CERKL: variants seen among roughly 807,000 people sequenced by gnomAD.
The protein encoded by CERKL is ceramide kinase-like protein.
Under a neutral mutation model 63.4 loss-of-function variants are expected in CERKL, and 61 were observed. That is an observed-to-expected ratio of 0.96 (90% confidence interval 0.78 to 1.19). The LOEUF (loss-of-function observed/expected upper bound fraction) is 1.19. CERKL is among the 50% of genes most tolerant of loss of function. The pLI is 0.00. For missense variants in CERKL, 675 were observed against 655.5 expected (o/e 1.03, Z -0.33); for synonymous variants, 250 against 230.5 (o/e 1.08, Z -0.77).
Position 181,550,941 on chromosome 2 carries a change from C to G in CERKL, c.821-1233G>C, listed in dbSNP as rs1184007280. Reference sequence around the variant, plus strand: ...CCAAAAGGCAAGTTATGCTGTGACCCTTGTTACTCAAAATACGGCCTACTG... The same window carrying G: ...CCAAAAGGCAAGTTATGCTGTGACCGTTGTTACTCAAAATACGGCCTACTG... On this transcript the variant is annotated intron_variant, in intron 5 of 12. Transcript: ENST00000410087. This position sits in a 1 kb window ranked among gnomAD's most constrained non-coding sequence, Gnocchi z 4.5. 6.6e-6 allele frequency among the ~76,000 whole-genome samples: 1 copy of G among 152,086 alleles called. No individual in the cohort carries two copies. The highest frequency in any genetic ancestry group is 1.9e-4 in the East Asian group (1 of 5,198).
intron 1 of CERKL, among the ~76,000 whole-genome samples, chr2:181,643,119 T>C (rs1024488072): frequency 6.6e-6 from 1 of 152,206 alleles, no homozygotes; most frequent in Non-Finnish European, 1.5e-5. Flanking sequence ...GTGGGCCCCA[T>C]TGACCATCAA....
chr2:181,635,684 CATTT>C (rs1687149617), intron 1 of CERKL, among the ~76,000 whole-genome samples: 1 of 152,144 alleles, frequency 6.6e-6, no homozygotes, highest in Non-Finnish European at 1.5e-5. Flanking sequence ...ATGTTTGTAA[CATTT>C]AGTAAACTTA....
chr2:181,568,282 G>A (rs1368207889), intron 3 of CERKL, among the ~76,000 whole-genome samples: 1 of 152,068 alleles, frequency 6.6e-6, no homozygotes, highest in East Asian at 1.9e-4. Context: ...CTGTCCTGTA[G>A]GTACTTTAAA....
At chr2:181,544,139 T>C (rs1195401201) in intron 11 of CERKL, among the ~76,000 whole-genome samples, 1 of 152,184 alleles carries the variant, frequency 6.6e-6, no homozygotes, top group African/African-American at 2.4e-5. Flanking sequence ...CAAAATAATA[T>C]GGCTTGTAAT....
chr2:181,625,910 G>A (rs191485196), intron 1 of CERKL, among the ~76,000 whole-genome samples: 29 of 152,202 alleles, frequency 1.9e-4, no homozygotes, highest in Non-Finnish European at 3.5e-4. Context: ...TGCCTAAAAC[G>A]CTATATTGTT....
chr2:181,625,321 G>C (rs1400726386), intron 1 of CERKL, among the ~76,000 whole-genome samples: 1 of 151,376 alleles, frequency 6.6e-6, no homozygotes, highest in Non-Finnish European at 1.5e-5. Context: ...GAAAAACAGA[G>C]TGAATGTATA....
At chr2:181,567,323 T>C (rs186086258) in intron 3 of CERKL, among the ~76,000 whole-genome samples, 2 of 152,228 alleles carry the variant, frequency 1.3e-5, no homozygotes, top group African/African-American at 4.8e-5. Flanking sequence ...ATCTTACATA[T>C]ACACATTAAA....
chr2:181,642,198 T>A (rs2105514280), intron 1 of CERKL, among the ~76,000 whole-genome samples: 1 of 152,326 alleles, frequency 6.6e-6, no homozygotes, highest in African/African-American at 2.4e-5. Flanking sequence ...GAGTAATTAG[T>A]CCTTCAATAA....
At chr2:181,613,112 TATTC>T (rs1285600107) in intron 1 of CERKL, among the ~76,000 whole-genome samples, 1 of 128,110 alleles carries the variant, frequency 7.8e-6, no homozygotes, top group Admixed American at 7.9e-5. Flanking sequence ...ATCCAGAACT[TATTC>T]ATTCTGTCTA....
intron 2 of CERKL, among the ~76,000 whole-genome samples, chr2:181,579,957 C>T (rs987162810): frequency 4.6e-5 from 7 of 151,800 alleles, no homozygotes; most frequent in Admixed American, 3.3e-4. Context: ...TATGTCAGTA[C>T]CATCTTTTAA....
intron 1 of CERKL, among the ~76,000 whole-genome samples, chr2:181,650,763 AAAAAAGAAAGAAAG>A (rs1458718028): frequency 3.3e-5 from 5 of 150,316 alleles, no homozygotes; most frequent in Admixed American, 3.3e-4. Context: ...CCATCTCAAA[AAAAAAGAAAGAAAG>A]AAAAAAAAGA....
chr2:181,556,656 A>C (rs1024871219), intron 5 of CERKL, among the ~76,000 whole-genome samples: 4 of 152,102 alleles, frequency 2.6e-5, no homozygotes, highest in African/African-American at 9.7e-5. Flanking sequence ...TTGGACATTT[A>C]GGTTGGTTCC....
At chr2:181,606,239 T>TGGAAGACAAGGAGGAA (rs141490870) in intron 1 of CERKL, among the ~76,000 whole-genome samples, 15,004 of 90,322 alleles carry the variant, frequency 0.17, 2,873 homozygotes, top group African/African-American at 0.5. Flanking sequence ...GAAGGGAGGA[T>TGGAAGACAAGGAGGAA]GGAAGACAAG....
intron 5 of CERKL, among the ~76,000 whole-genome samples, chr2:181,554,845 T>G (rs528499112): frequency 2.0e-5 from 3 of 152,280 alleles, no homozygotes; most frequent in Admixed American, 2.0e-4. Flanking sequence ...TCCCATTCTC[T>G]ATCAAAAGCC....
intron 5 of CERKL, among the ~76,000 whole-genome samples, chr2:181,552,072 T>C (rs1456003194): frequency 6.6e-6 from 1 of 152,050 alleles, no homozygotes. Context: ...GAAAGGCAAA[T>C]ACTTACTTTT....
intron 2 of CERKL, among the ~76,000 whole-genome samples, chr2:181,593,984 T>C (rs751065953): frequency 1.3e-5 from 2 of 152,118 alleles, no homozygotes; most frequent in African/African-American, 4.8e-5. Flanking sequence ...AGAGTGCTGA[T>C]TCCTTAGCCA....
chr2:181,584,209 C>T (rs1684660146), intron 2 of CERKL, among the ~76,000 whole-genome samples: 1 of 152,040 alleles, frequency 6.6e-6, no homozygotes, highest in South Asian at 2.1e-4. Context: ...TTTGACTTAT[C>T]CTCTTAATAA....
intron 1 of CERKL, among the ~76,000 whole-genome samples, chr2:181,635,664 G>A (rs1451561417): frequency 6.6e-6 from 1 of 152,110 alleles, no homozygotes; most frequent in Non-Finnish European, 1.5e-5. Flanking sequence ...ACTAAACAGT[G>A]CTTTGAATTA....
rs376764539 is a variant in CERKL at position 181,544,655 on chromosome 2, T to C, written c.1365+45A>G. The C allele has an allele frequency of 2.2e-5, 25 of 1,129,958 alleles. No homozygotes were observed. The African/African-American group carries it at 3.7e-4, about 17-fold the overall frequency. 70.0% of individuals were successfully genotyped at this position (1,129,958 alleles called of 1,614,324 possible). On this transcript the variant is annotated intron_variant, in intron 11 of 12. Coordinates refer to ENST00000410087, the MANE Select transcript of CERKL (RefSeq NM_201548.5). The stretch of plus-strand genomic sequence containing the variant: ...AATTCTTGCAGCATCTTTTTCTACA[T>C]GATTAATAGCTTTGCAAATAAGTAA...
Sources: gnomAD v4.1 joint callset for allele counts (sites outside exome capture counted in the v4.1 genomes callset) on GRCh38, gnomAD v4.1.1 for gene constraint, Gnocchi (gnomAD v3.1) non-coding constraint, MANE v1.5 for transcripts, NCBI Gene and HGNC (gene_info 2026-07-23, HGNC 2026-07-21) for gene names.